PCDH15: variants seen among roughly 807,000 people sequenced by gnomAD.
PCDH15 encodes the protein protocadherin related 15.
A neutral mutation model predicts 178.5 loss-of-function variants in PCDH15; 129 were observed. That is an observed-to-expected ratio of 0.72 (90% confidence interval 0.63 to 0.84). PCDH15 has a LOEUF of 0.84. Ranked by LOEUF, PCDH15 falls within the 40% of genes least tolerant of loss-of-function variation. PCDH15 has a pLI of 0.00. For synonymous variants in PCDH15, 800 were observed against 732.0 expected (o/e 1.09, Z -1.50); for missense variants, 2,230 against 2,099.9 (o/e 1.06, Z -1.21).
chr10:54,246,493 T>C (rs888520034), intron 8 of PCDH15, among the ~76,000 whole-genome samples: 14 of 151,924 alleles, frequency 9.2e-5, no homozygotes, highest in African/African-American at 3.4e-4. Flanking sequence ...GATTCTTGCA[T>C]ATAATTAAGT....
At chr10:54,229,218 C>T (rs982755759) in intron 9 of PCDH15, among the ~76,000 whole-genome samples, 12 of 151,846 alleles carry the variant, frequency 7.9e-5, no homozygotes, top group Admixed American at 3.3e-4. Flanking sequence ...CCAGGCAGAC[C>T]GGAAATAAAG....
At chr10:54,742,032 G>T (rs966561691) in intron 1 of PCDH15, among the ~76,000 whole-genome samples, 2 of 151,956 alleles carry the variant, frequency 1.3e-5, no homozygotes, top group African/African-American at 4.8e-5. Context: ...TGAGGTGATG[G>T]GATGCTAGAT....
At chr10:55,184,813 C>G (rs1385873905) in intron 1 of PCDH15, among the ~76,000 whole-genome samples, 2 of 151,830 alleles carry the variant, frequency 1.3e-5, no homozygotes, top group Admixed American at 1.3e-4. Flanking sequence ...CAAAGTTAAA[C>G]CACGGATATC....
intron 16 of PCDH15, among the ~76,000 whole-genome samples, chr10:54,082,451 C>A (rs555255166): frequency 6.6e-6 from 1 of 152,194 alleles, no homozygotes; most frequent in Non-Finnish European, 1.5e-5. Flanking sequence ...CATCTACAGT[C>A]ATCTGATTTT....
At chr10:55,391,643 C>T (rs551020810) in intron 2 of PCDH15, among the ~76,000 whole-genome samples, 1 of 152,038 alleles carries the variant, frequency 6.6e-6, no homozygotes, top group African/African-American at 2.4e-5. Flanking sequence ...TGCACCACCA[C>T]ACCCGCCTAA....
At chr10:55,472,136 T>C (rs1429676570) in intron 2 of PCDH15, among the ~76,000 whole-genome samples, 1 of 152,172 alleles carries the variant, frequency 6.6e-6, no homozygotes, top group Non-Finnish European at 1.5e-5. Context: ...TTACTTTCCC[T>C]CTCTCTTTGT....
intron 1 of PCDH15, among the ~76,000 whole-genome samples, chr10:54,698,068 T>G (rs376117089): frequency 3.9e-4 from 60 of 152,136 alleles, no homozygotes; most frequent in African/African-American, 1.3e-3. Context: ...CAAGTCCATG[T>G]TTATCTGAAA....
rs200736766 is a variant in PCDH15, at chr10:55,538,374, T to TTTCC, written c.-156+89247_-156+89250dup. 1.0e-3 allele frequency among the ~76,000 whole-genome samples: 157 copies of TTTCC among 151,184 alleles called. 1 individual carries two copies. The East Asian group carries it at 0.012, about 11-fold the overall frequency. On this transcript the variant is annotated intron_variant, in intron 2 of 5. Coordinates refer to the PCDH15 transcript ENST00000613346. ...TGTTCATGTTACGAATAGGAAAGCT[T>TTTCC]TTCCTTCCTTCCTTCCTTCCTTTCT...
intron 3 of PCDH15, among the ~76,000 whole-genome samples, chr10:54,410,294 G>A (rs763762309): frequency 5.9e-5 from 9 of 152,046 alleles, no homozygotes; most frequent in African/African-American, 1.9e-4. Context: ...CAGGCTCATC[G>A]TCCTTTTGAT....
intron 2 of PCDH15, among the ~76,000 whole-genome samples, chr10:55,005,925 AGT>A: frequency 6.6e-6 from 1 of 152,038 alleles, no homozygotes; most frequent in African/African-American, 2.4e-5. Flanking sequence ...CATCATTCAG[AGT>A]TGTCTGTTAT....
chr10:55,349,255 T>TTAGG, intron 2 of PCDH15, among the ~76,000 whole-genome samples: 2 of 152,248 alleles, frequency 1.3e-5, no homozygotes, highest in South Asian at 4.1e-4. Context: ...TCACCAGTGC[T>TTAGG]AGAAGACCCT....
intron 8 of PCDH15, among the ~76,000 whole-genome samples, chr10:54,296,548 T>C (rs111225940): frequency 0.012 from 1,898 of 152,226 alleles, 41 homozygotes; most frequent in African/African-American, 0.042. Flanking sequence ...TCTGGTGCTT[T>C]TCTAGTTTCT....
At chr10:55,230,378 T>C (rs1185036105) in intron 1 of PCDH15, among the ~76,000 whole-genome samples, 1 of 152,076 alleles carries the variant, frequency 6.6e-6, no homozygotes, top group African/African-American at 2.4e-5. Context: ...ATACTCTTCT[T>C]CAGAGGCTTG....
chr10:54,481,683 G>A, intron 3 of PCDH15, among the ~76,000 whole-genome samples: 1 of 151,590 alleles, frequency 6.6e-6, no homozygotes, highest in Non-Finnish European at 1.5e-5. Context: ...TCTGGGTGAT[G>A]GGACTGCACA....
In PCDH15 at chr10:55,405,771, G is replaced by C. The variant is rs116267923; in HGVS notation, c.-156+221854C>G. Among the ~76,000 whole-genome samples the C allele has an allele frequency of 7.9e-3, 1,203 of 151,960 alleles. 15 individuals carry two copies. Among genetic ancestry groups the C allele is most frequent in the African/African-American group, 0.026 (1,081 of 41,474 alleles). On this transcript the variant is annotated intron_variant, in intron 2 of 5. Transcript: ENST00000613346. ...AAAACCTCTGCAGACAGAACATACT[G>C]AGAATTCCATGCCATTATGGAGCTC...
At chr10:53,973,074 A>C (rs2089878993) in intron 21 of PCDH15, among the ~76,000 whole-genome samples, 2 of 152,296 alleles carry the variant, frequency 1.3e-5, no homozygotes, top group South Asian at 4.1e-4. Flanking sequence ...GGATTAAGAA[A>C]ATGTGGCACA....
chr10:55,355,098 T>C (rs895382779), intron 2 of PCDH15, among the ~76,000 whole-genome samples: 14 of 152,068 alleles, frequency 9.2e-5, no homozygotes, highest in African/African-American at 3.4e-4. Context: ...TTCATTTTTA[T>C]TTCTGGGTAG....
At chr10:55,331,017 G>C (rs933512196) in intron 2 of PCDH15, among the ~76,000 whole-genome samples, 1 of 151,806 alleles carries the variant, frequency 6.6e-6, no homozygotes, top group Non-Finnish European at 1.5e-5. Context: ...AATTATGCCT[G>C]ACATGTTATC....
chr10:53,880,807 T>G (rs1035732650), intron 26 of PCDH15, among the ~76,000 whole-genome samples: 1 of 152,126 alleles, frequency 6.6e-6, no homozygotes, highest in Non-Finnish European at 1.5e-5. Context: ...AGACTGTATT[T>G]ATGGACTAGA....
Sources: gnomAD v4.1 joint callset for allele counts (sites outside exome capture counted in the v4.1 genomes callset) on GRCh38, gnomAD v4.1.1 for gene constraint, MANE v1.5 for transcripts, NCBI Gene and HGNC (gene_info 2026-07-23, HGNC 2026-07-21) for gene names.